B3GALT1: variants seen among roughly 807,000 people sequenced by gnomAD.
B3GALT1 encodes the protein beta-1,3-galactosyltransferase 1.
In B3GALT1, 10 loss-of-function variants were observed where a neutral mutation model predicts 23.2. The ratio of observed to expected loss-of-function variants is 0.43; its 90% confidence interval spans 0.27 to 0.73. The LOEUF is 0.73. Among genes scored for constraint, B3GALT1 ranks in the 30% least tolerant of loss-of-function variants. The pLI is 0.21. For missense variants in B3GALT1, 299 were observed against 405.4 expected, an observed-to-expected ratio of 0.74 and a Z score of 2.25; for synonymous variants, 156 against 141.5, an observed-to-expected ratio of 1.10 and a Z score of -0.73.
chr2:167,426,365 C>T lies in B3GALT1; in HGVS notation c.-510-63812C>T, dbSNP rs551445794. 4.0e-5 allele frequency among the ~76,000 whole-genome samples: 6 copies of T among 151,772 alleles called. No homozygotes were observed. The South Asian group carries it at 6.2e-4, about 16-fold the overall frequency. On this transcript the variant is annotated intron_variant, in intron 1 of 4. Coordinates refer to ENST00000392690, the MANE Select transcript of B3GALT1 (RefSeq NM_020981.4). ...TCTTGGCTCAATACAACCTCCGCCTCCTGGGTTCAGGCAGTTCTCCTGGCT... is the reference window on the plus strand; with the variant it reads ...TCTTGGCTCAATACAACCTCCGCCTTCTGGGTTCAGGCAGTTCTCCTGGCT...
intron 2 of B3GALT1, among the ~76,000 whole-genome samples, chr2:167,555,515 A>C (rs1034682351): frequency 2.0e-5 from 3 of 152,168 alleles, no homozygotes; most frequent in African/African-American, 7.2e-5. Context: ...ATCTGGAGCT[A>C]TCTTTTTGCT....
intron 2 of B3GALT1, among the ~76,000 whole-genome samples, chr2:167,492,861 G>C (rs934818269): frequency 7.1e-6 from 1 of 140,944 alleles, no homozygotes; most frequent in Non-Finnish European, 1.5e-5. Flanking sequence ...TTATATCCAA[G>C]TGTGTGTATT....
At chr2:167,663,538 T>C (rs912473130) in intron 3 of B3GALT1, among the ~76,000 whole-genome samples, 2 of 151,464 alleles carry the variant, frequency 1.3e-5, no homozygotes, top group Admixed American at 1.3e-4. Flanking sequence ...ATCGCCACAC[T>C]GACTTCCACA....
At chr2:167,743,605 G>A (rs370104331) in intron 3 of B3GALT1, among the ~76,000 whole-genome samples, 34 of 151,724 alleles carry the variant, frequency 2.2e-4, no homozygotes, top group African/African-American at 8.0e-4. Flanking sequence ...ATTTTAAATC[G>A]GTTTTGGTAA....
chr2:167,689,140 CAAAAA>C (rs35745682), intron 3 of B3GALT1, among the ~76,000 whole-genome samples: 18 of 137,536 alleles, frequency 1.3e-4, no homozygotes, highest in East Asian at 4.3e-4. Context: ...CCAAAAAGAC[CAAAAA>C]AAAAAAAAAA....
intron 3 of B3GALT1, among the ~76,000 whole-genome samples, 153 bp from the exon 4 acceptor site, chr2:167,818,519 C>T (rs904352664): frequency 6.6e-6 from 1 of 152,212 alleles, no homozygotes; most frequent in Non-Finnish European, 1.5e-5. Context: ...ATTCAGTCCA[C>T]CTCTATTCAA....
intron 3 of B3GALT1, among the ~76,000 whole-genome samples, chr2:167,647,931 C>T (rs1413315369): frequency 6.6e-6 from 1 of 152,106 alleles, no homozygotes; most frequent in Admixed American, 6.6e-5. Flanking sequence ...CTATAAACAA[C>T]CTAATTTCGC....
chr2:167,322,988 GACTA>G (rs1250118832), intron 1 of B3GALT1, among the ~76,000 whole-genome samples: 2 of 151,950 alleles, frequency 1.3e-5, no homozygotes, highest in African/African-American at 2.4e-5. Flanking sequence ...CTTTTGGCAT[GACTA>G]ACCATTTCTA....
chr2:167,507,536 A>C, intron 2 of B3GALT1, among the ~76,000 whole-genome samples: 1 of 150,892 alleles, frequency 6.6e-6, no homozygotes, highest in Middle Eastern at 3.4e-3. Flanking sequence ...AAAAAGTAGA[A>C]TAAGATAAAG....
intron 2 of B3GALT1, among the ~76,000 whole-genome samples, chr2:167,577,434 A>T (rs961688143): frequency 3.9e-5 from 6 of 151,902 alleles, no homozygotes; most frequent in African/African-American, 1.4e-4. Context: ...TGGTATATAG[A>T]TCAATTGAAA....
intron 2 of B3GALT1, among the ~76,000 whole-genome samples, chr2:167,593,863 G>A (rs1028994855): frequency 6.6e-6 from 1 of 152,154 alleles, no homozygotes; most frequent in Non-Finnish European, 1.5e-5. Context: ...GAGTGAAGGT[G>A]AGAGAGGGAA....
At chr2:167,331,169 G>A (rs1696967881) in intron 1 of B3GALT1, among the ~76,000 whole-genome samples, 1 of 152,108 alleles carries the variant, frequency 6.6e-6, no homozygotes, top group Non-Finnish European at 1.5e-5. Flanking sequence ...GTTAGTAGAG[G>A]CTGTGGCGAA....
chr2:167,349,622 T>C (rs954151837), intron 1 of B3GALT1, among the ~76,000 whole-genome samples: 9 of 152,166 alleles, frequency 5.9e-5, no homozygotes, highest in African/African-American at 2.2e-4. Flanking sequence ...GACCTCAGAC[T>C]GCAAAGTTAC....
intron 2 of B3GALT1, among the ~76,000 whole-genome samples, chr2:167,580,263 T>C (rs1684459779): frequency 1.3e-5 from 2 of 152,160 alleles, no homozygotes; most frequent in Admixed American, 1.3e-4. Flanking sequence ...CTTATGGAAA[T>C]ATATTTTGCT....
intron 3 of B3GALT1, among the ~76,000 whole-genome samples, chr2:167,765,498 A>G (rs1418756690): frequency 2.0e-5 from 3 of 152,196 alleles, no homozygotes; most frequent in African/African-American, 7.2e-5. Context: ...AGAAATAGTC[A>G]ATAAATCTCT....
intron 1 of B3GALT1, among the ~76,000 whole-genome samples, chr2:167,325,536 C>T (rs1288936263): frequency 2.6e-5 from 4 of 151,812 alleles, no homozygotes; most frequent in Non-Finnish European, 5.9e-5. Flanking sequence ...TGAGAAACTG[C>T]CCCCCATGAT....
intron 2 of B3GALT1, among the ~76,000 whole-genome samples, chr2:167,610,277 C>T (rs1685036907): frequency 6.6e-6 from 1 of 152,026 alleles, no homozygotes; most frequent in African/African-American, 2.4e-5. Flanking sequence ...GCAGGCAGAG[C>T]ACAGCTAATG....
At chr2:167,463,845 T>G (rs1273613560) in intron 1 of B3GALT1, among the ~76,000 whole-genome samples, 1 of 152,206 alleles carries the variant, frequency 6.6e-6, no homozygotes, top group Non-Finnish European at 1.5e-5. Context: ...AGTTGTATGG[T>G]AATTCATTGA....
chr2:167,690,348 T>C (rs1289132481), intron 3 of B3GALT1, among the ~76,000 whole-genome samples: 1 of 151,896 alleles, frequency 6.6e-6, no homozygotes, highest in East Asian at 1.9e-4. Context: ...GTAAAAGTAA[T>C]TACAAAATAG....
Sources: gnomAD v4.1 joint callset for allele counts (sites outside exome capture counted in the v4.1 genomes callset) on GRCh38, gnomAD v4.1.1 for gene constraint, MANE v1.5 for transcripts, NCBI Gene and HGNC (gene_info 2026-07-23, HGNC 2026-07-21) for gene names.